GPC5: variants seen among roughly 807,000 people sequenced by gnomAD.
GPC5 encodes glypican 5.
In GPC5, 47 loss-of-function variants were observed where a neutral mutation model predicts 53.9. The ratio of observed to expected loss-of-function variants is 0.87; its 90% CI spans 0.69 to 1.11. GPC5 has a LOEUF of 1.11. Ranked by LOEUF, GPC5 falls within the 50% of genes most tolerant of loss-of-function variation. The pLI, the probability that GPC5 is intolerant of heterozygous loss-of-function variation, is 0.00. For synonymous variants in GPC5, 286 were observed against 263.3 expected (o/e 1.09, Z -0.84); for missense variants, 748 against 713.1 (o/e 1.05, Z -0.56).
chr13:92,791,432 G>A lies in GPC5; in HGVS notation c.1562-74850G>A, dbSNP rs528353098. 2.0e-5 allele frequency among the ~76,000 whole-genome samples: 3 copies of A among 149,754 alleles called. No individual in the cohort carries two copies. In the South Asian group the frequency reaches 6.5e-4, roughly 32 times the overall value. On this transcript the variant is annotated intron_variant, in intron 7 of 7. Transcript: ENST00000377067. ...GTATGTGTGTGAGTGTGTGGGGGGG[G>A]GCGGGGGAGTGGTGTATGAAGTGTC... is the stretch of plus-strand genomic sequence containing the variant.
At chr13:92,768,841 C>T (rs1410798785) in intron 7 of GPC5, among the ~76,000 whole-genome samples, 1 of 151,776 alleles carries the variant, frequency 6.6e-6, no homozygotes, top group Non-Finnish European at 1.5e-5. Flanking sequence ...CTACTATCTT[C>T]TCCCTAAACC....
At chr13:91,534,514 G>A (rs1393796067) in intron 2 of GPC5, among the ~76,000 whole-genome samples, 1 of 152,214 alleles carries the variant, frequency 6.6e-6, no homozygotes, top group Non-Finnish European at 1.5e-5. Flanking sequence ...TCCATACTGA[G>A]AAAGTTGATT....
chr13:91,431,533 T>C (rs1248895475), intron 1 of GPC5, among the ~76,000 whole-genome samples: 2 of 152,216 alleles, frequency 1.3e-5, no homozygotes, highest in Non-Finnish European at 1.5e-5. Context: ...CACGGTGAAA[T>C]AGAATAGGCA....
At chr13:92,116,361 G>T (rs1184270956) in intron 6 of GPC5, among the ~76,000 whole-genome samples, 3 of 152,160 alleles carry the variant, frequency 2.0e-5, no homozygotes, top group Non-Finnish European at 2.9e-5. Flanking sequence ...AAGGAAAGAG[G>T]CCTCAGAATA....
Position 92,093,887 on chromosome 13 carries a change from T to A in GPC5, c.1402-50943T>A, listed in dbSNP as rs191921628. Among the ~76,000 whole-genome samples the A allele has an allele frequency of 1.1e-4, 17 of 152,304 alleles. No homozygotes were observed. The East Asian group carries it at 3.1e-3, about 28-fold the overall frequency. ...ATTTCAGCTATTGGCCATCAATTGGTTAGAAAGAATAAGAATGAGTCAAAG... is the reference window on the plus strand; with the variant it reads ...ATTTCAGCTATTGGCCATCAATTGGATAGAAAGAATAAGAATGAGTCAAAG... On this transcript the variant is annotated intron_variant, in intron 6 of 7. Coordinates refer to ENST00000377067, the MANE Select transcript of GPC5 (RefSeq NM_004466.6).
intron 6 of GPC5, among the ~76,000 whole-genome samples, chr13:91,913,359 A>G (rs1197744817): frequency 1.3e-5 from 2 of 151,280 alleles, no homozygotes; most frequent in Admixed American, 1.3e-4. Context: ...AGATTGTGCC[A>G]CTACACTCCA....
intron 7 of GPC5, among the ~76,000 whole-genome samples, chr13:92,214,838 A>G (rs1029842714): frequency 1.3e-5 from 2 of 152,184 alleles, no homozygotes; most frequent in African/African-American, 4.8e-5. Context: ...AATGTGGGAG[A>G]GAGAGAAGAG....
At chr13:92,095,808 C>T (rs1367569288) in intron 6 of GPC5, among the ~76,000 whole-genome samples, 1 of 152,188 alleles carries the variant, frequency 6.6e-6, no homozygotes, top group African/African-American at 2.4e-5. Flanking sequence ...GCTAGGATTA[C>T]AGGCGTGAGC....
intron 7 of GPC5, among the ~76,000 whole-genome samples, chr13:92,863,563 G>A (rs970220615): frequency 6.6e-6 from 1 of 152,056 alleles, no homozygotes; most frequent in East Asian, 1.9e-4. Flanking sequence ...GCACAATCTA[G>A]GCTCACCGCA....
intron 7 of GPC5, among the ~76,000 whole-genome samples, chr13:92,434,003 T>C (rs957402954): frequency 2.0e-5 from 3 of 152,218 alleles, no homozygotes; most frequent in African/African-American, 2.4e-5. Context: ...TTCTGTCTGA[T>C]AACATTGAGA....
chr13:91,650,750 G>GTTTTGTTTTTTTTTTTTTTTTT (rs1555333961), intron 2 of GPC5, among the ~76,000 whole-genome samples: 9 of 99,602 alleles, frequency 9.0e-5, no homozygotes, highest in African/African-American at 3.6e-4. Flanking sequence ...ATTCCCATAA[G>GTTTTGTTTTTTTTTTTTTTTTT]TTTTTTTTTT....
chr13:92,596,697 C>T (rs781265502), intron 7 of GPC5, among the ~76,000 whole-genome samples: 3 of 152,150 alleles, frequency 2.0e-5, no homozygotes, highest in Non-Finnish European at 2.9e-5. Flanking sequence ...TGGTCTCAAT[C>T]TCTTGACCTT....
intron 2 of GPC5, among the ~76,000 whole-genome samples, chr13:91,529,262 A>G (rs1339668490): frequency 6.6e-6 from 1 of 152,222 alleles, no homozygotes; most frequent in Non-Finnish European, 1.5e-5. Flanking sequence ...GTTAGTTAAC[A>G]TTACTTTAAA....
At chr13:91,746,352 A>G (rs1289523422) in intron 4 of GPC5, among the ~76,000 whole-genome samples, 1 of 152,190 alleles carries the variant, frequency 6.6e-6, no homozygotes, top group Non-Finnish European at 1.5e-5. Context: ...AAAAAAATCA[A>G]TATATGTCAT....
At chr13:92,231,357 A>T (rs2042528932) in intron 7 of GPC5, among the ~76,000 whole-genome samples, 1 of 152,194 alleles carries the variant, frequency 6.6e-6, no homozygotes, top group Non-Finnish European at 1.5e-5. Flanking sequence ...CAAGGGTGAG[A>T]TAATCATTTA....
At chr13:92,408,521 A>T (rs529914305) in intron 7 of GPC5, among the ~76,000 whole-genome samples, 2 of 152,038 alleles carry the variant, frequency 1.3e-5, no homozygotes, top group African/African-American at 4.8e-5. Context: ...TCTGTATTCA[A>T]TCTATATTTG....
At chr13:91,751,929 C>T (rs1421176472) in intron 4 of GPC5, among the ~76,000 whole-genome samples, 1 of 152,172 alleles carries the variant, frequency 6.6e-6, no homozygotes, top group Non-Finnish European at 1.5e-5. Flanking sequence ...CTAGGGCTGT[C>T]ATAACAAAAT....
At chr13:92,167,025 A>C (rs114092366) in intron 7 of GPC5, among the ~76,000 whole-genome samples, 10 of 150,830 alleles carry the variant, frequency 6.6e-5, no homozygotes, top group African/African-American at 2.4e-4. Context: ...TGAACAGTTA[A>C]ATTTCCTTCT....
chr13:91,430,003 C>G (rs1030478816), intron 1 of GPC5, among the ~76,000 whole-genome samples: 6 of 152,116 alleles, frequency 3.9e-5, no homozygotes, highest in Non-Finnish European at 7.4e-5. Flanking sequence ...GTGCAAGAGT[C>G]AAGAAACTAT....
Sources: gnomAD v4.1 joint callset for allele counts (sites outside exome capture counted in the v4.1 genomes callset) on GRCh38, gnomAD v4.1.1 for gene constraint, MANE v1.5 for transcripts, NCBI Gene and HGNC (gene_info 2026-07-23, HGNC 2026-07-21) for gene names.